PTPRT: variants seen among roughly 807,000 people sequenced by gnomAD.
PTPRT encodes the protein protein tyrosine phosphatase receptor type T.
In PTPRT, 56 loss-of-function variants were observed where a neutral mutation model predicts 176.8. The observed-to-expected ratio is 0.32, with a 90% CI of 0.26 to 0.40. The LOEUF (loss-of-function observed/expected upper bound fraction) is 0.40, where lower values mean the gene tolerates loss of function less well. PTPRT is among the 10% of genes least tolerant of loss of function. The pLI is 1.00. For synonymous variants in PTPRT, 783 were observed against 739.0 expected, an observed-to-expected ratio of 1.06 and a Z score of -0.96; for missense variants, 1,540 against 1,908.2, an observed-to-expected ratio of 0.81 and a Z score of 3.60.
chr20:42,254,725 G>C (rs1276367689), intron 13 of PTPRT, among the ~76,000 whole-genome samples: 2 of 152,176 alleles, frequency 1.3e-5, no homozygotes, highest in African/African-American at 4.8e-5. Flanking sequence ...CATCATGTTA[G>C]AGAGAGGATG....
chr20:42,331,769 A>T (rs6130109), intron 11 of PTPRT, among the ~76,000 whole-genome samples: 15,756 of 152,158 alleles, frequency 0.1, 1,323 homozygotes, highest in African/African-American at 0.23. Context: ...TTGGGAATGC[A>T]AATTTTGAAC....
At chr20:42,656,606 T>C (rs1385436682) in intron 7 of PTPRT, among the ~76,000 whole-genome samples, 2 of 152,172 alleles carry the variant, frequency 1.3e-5, no homozygotes, top group African/African-American at 4.8e-5. Context: ...TTTGAAGAAC[T>C]GTCTCAAAGT....
chr20:42,548,221 T>TA (rs1256768573), intron 7 of PTPRT, among the ~76,000 whole-genome samples: 2 of 152,072 alleles, frequency 1.3e-5, no homozygotes, highest in Non-Finnish European at 2.9e-5. Flanking sequence ...TAGATAAACT[T>TA]AGCTTAAAAT....
intron 15 of PTPRT, among the ~76,000 whole-genome samples, chr20:42,216,845 A>T (rs1285034508): frequency 1.3e-5 from 2 of 152,208 alleles, no homozygotes; most frequent in Non-Finnish European, 2.9e-5. Context: ...CATGGCAATG[A>T]TTCTCAGACT....
intron 7 of PTPRT, among the ~76,000 whole-genome samples, chr20:42,555,350 T>C (rs1470748094): frequency 6.6e-6 from 1 of 152,168 alleles, no homozygotes; most frequent in African/African-American, 2.4e-5. Context: ...CCTGCCCTCA[T>C]GGAGCTGACA....
chr20:42,382,533 A>G (rs2058706770), intron 9 of PTPRT, among the ~76,000 whole-genome samples: 1 of 152,176 alleles, frequency 6.6e-6, no homozygotes, highest in Admixed American at 6.5e-5. Context: ...TAAGGGATGA[A>G]TTTCATAAAC....
chr20:42,633,079 C>G (rs907159619), intron 7 of PTPRT, among the ~76,000 whole-genome samples: 1 of 152,220 alleles, frequency 6.6e-6, no homozygotes, highest in South Asian at 2.1e-4. Flanking sequence ...ATGGAGAAAA[C>G]AGTCCTCTCA....
intron 1 of PTPRT, among the ~76,000 whole-genome samples, chr20:43,028,141 T>C (rs779474968): frequency 2.0e-5 from 3 of 152,190 alleles, no homozygotes; most frequent in Non-Finnish European, 4.4e-5. Flanking sequence ...CTTGTTCTTA[T>C]ACCACCCATT....
chr20:42,334,881 G>A lies in PTPRT; in HGVS notation c.1865+15747C>T, dbSNP rs529170008. Among the ~76,000 whole-genome samples, 38 of 152,250 alleles carry A rather than the reference G, an allele frequency of 2.5e-4. 1 individual carries two copies. Among genetic ancestry groups the A allele is most frequent in the African/African-American group, 7.7e-4 (32 of 41,546 alleles). ...TGTAAGTGAACTTCTAGTTAAAAGC[G>A]GAAGAATTAATGTACTCCATTTACC... On this transcript the variant is annotated intron_variant, in intron 11 of 30. Transcript: ENST00000373187.
At chr20:42,714,324 C>A (rs8182644) in intron 6 of PTPRT, among the ~76,000 whole-genome samples, 7 of 152,178 alleles carry the variant, frequency 4.6e-5, no homozygotes, top group African/African-American at 1.7e-4. Context: ...TGGCAACATC[C>A]TAAATGAACC....
chr20:42,288,341 TTTTTG>T (rs58449778), intron 12 of PTPRT, among the ~76,000 whole-genome samples: 100,755 of 150,328 alleles, frequency 0.67, 34,144 homozygotes, highest in African/African-American at 0.79. Flanking sequence ...CTGCAGAGTT[TTTTTG>T]TTTTGTTTTG....
intron 16 of PTPRT, among the ~76,000 whole-genome samples, chr20:42,196,310 G>C (rs1255776106): frequency 6.6e-6 from 1 of 152,198 alleles, no homozygotes; most frequent in Non-Finnish European, 1.5e-5. Context: ...CAGAGACTCA[G>C]TGAGCTCCTG....
At chr20:43,119,293 T>A (rs535708736) in intron 1 of PTPRT, among the ~76,000 whole-genome samples, 1 of 152,382 alleles carries the variant, frequency 6.6e-6, no homozygotes, top group South Asian at 2.1e-4. Context: ...GTTTTATTTT[T>A]ATTCTTTGAA....
chr20:42,355,572 G>A (rs1242389019), intron 9 of PTPRT, among the ~76,000 whole-genome samples: 1 of 152,200 alleles, frequency 6.6e-6, no homozygotes, highest in African/African-American at 2.4e-5. Context: ...TTTGGACAGA[G>A]CAAAGCCCAG....
At chr20:42,387,098 G>T (rs1164258371) in intron 9 of PTPRT, among the ~76,000 whole-genome samples, 1 of 152,110 alleles carries the variant, frequency 6.6e-6, no homozygotes, top group African/African-American at 2.4e-5. Flanking sequence ...AATAAGGCAA[G>T]TCTTAGTGGA....
chr20:42,725,816 G>A (rs2076370300), intron 6 of PTPRT, among the ~76,000 whole-genome samples: 1 of 151,574 alleles, frequency 6.6e-6, no homozygotes, highest in Admixed American at 6.6e-5. Flanking sequence ...CCCATTACTG[G>A]GTATATACCC....
At chr20:43,057,901 GC>G (rs1987305685) in intron 1 of PTPRT, among the ~76,000 whole-genome samples, 1 of 152,206 alleles carries the variant, frequency 6.6e-6, no homozygotes. Context: ...GAGGTCAGGA[GC>G]CAAGTCAGTT....
At chr20:42,817,407 T>G (rs2077807483) in intron 2 of PTPRT, among the ~76,000 whole-genome samples, 1 of 149,952 alleles carries the variant, frequency 6.7e-6, no homozygotes, top group Non-Finnish European at 1.5e-5. Context: ...AAAATGAAAT[T>G]AAACATAAAA....
At chr20:42,998,311 C>A (rs1230954234) in intron 1 of PTPRT, among the ~76,000 whole-genome samples, 1 of 152,180 alleles carries the variant, frequency 6.6e-6, no homozygotes, top group Non-Finnish European at 1.5e-5. Context: ...GGGGAGACCA[C>A]TGGAACCTGC....
Sources: gnomAD v4.1 joint callset for allele counts (sites outside exome capture counted in the v4.1 genomes callset) on GRCh38, gnomAD v4.1.1 for gene constraint, MANE v1.5 for transcripts, NCBI Gene and HGNC (gene_info 2026-07-23, HGNC 2026-07-21) for gene names.